EML6: variants seen among roughly 807,000 people sequenced by gnomAD.
EML6 encodes the protein echinoderm microtubule-associated protein-like 6.
In EML6, 154 loss-of-function variants were observed where a neutral mutation model predicts 240.1. The ratio of observed to expected loss-of-function variants is 0.64; its 90% CI spans 0.56 to 0.73. The LOEUF (loss-of-function observed/expected upper bound fraction) is 0.73. Ranked by LOEUF, EML6 falls within the 30% of genes least tolerant of loss-of-function variation. The probability of loss-of-function intolerance (pLI) is 0.00; values close to 1 mark genes in which losing one functional copy is unlikely to be tolerated. For synonymous variants in EML6, 1,148 were observed against 899.0 expected (o/e 1.28, Z -4.95); for missense variants, 2,964 against 2,474.6 (o/e 1.20, Z -4.20).
At chr2:54,870,904 A>T (rs1221457754) in intron 15 of EML6, among the ~76,000 whole-genome samples, 4 of 151,596 alleles carry the variant, frequency 2.6e-5, no homozygotes, top group Non-Finnish European at 5.9e-5. Context: ...AGGTTTCCCC[A>T]CCCCCCACTA....
intron 17 of EML6, among the ~76,000 whole-genome samples, chr2:54,889,560 G>C (rs573538923): frequency 3.3e-5 from 5 of 151,354 alleles, no homozygotes; most frequent in African/African-American, 1.2e-4. Flanking sequence ...TTTATAAATA[G>C]AGTCCTCTCC....
At chr2:54,922,933 C>CTTTTTTTTTTT (rs36078208) in intron 26 of EML6, among the ~76,000 whole-genome samples, 1 of 73,852 alleles carries the variant, frequency 1.4e-5, no homozygotes, top group Non-Finnish European at 2.4e-5. Context: ...AGGGTATAAA[C>CTTTTTTTTTTT]TTTTTTTTTT....
intron 36 of EML6, 49 bp from the exon 37 acceptor site, chr2:54,963,937 C>T (rs946714493): frequency 4.0e-6 from 6 of 1,503,502 alleles, no homozygotes; most frequent in South Asian, 2.6e-5. Flanking sequence ...TCCTGGAGAC[C>T]AGCTGAGGGG....
chr2:54,752,618 A>C (rs528221137), intron 2 of EML6, among the ~76,000 whole-genome samples: 33 of 152,206 alleles, frequency 2.2e-4, no homozygotes, highest in Non-Finnish European at 7.3e-5. Context: ...GTTGTAGTAG[A>C]TAGCATTCGT....
intron 2 of EML6, among the ~76,000 whole-genome samples, chr2:54,733,979 G>C (rs1182357345): frequency 2.0e-5 from 3 of 152,196 alleles, no homozygotes; most frequent in Non-Finnish European, 4.4e-5. Context: ...GGACAGTGAT[G>C]AGAAATACTG....
rs1263919913 is a variant in EML6, at chr2:54,894,973, G to C, written c.2801G>C (p.Arg934Thr). Residue 934 changes from arginine (R) to threonine (T), a missense_variant, in exon 20 of 42, where the codon AGA becomes ACA. Transcript: ENST00000356458. The part of the protein sequence containing the change: ...IVELWDDMFE[R>T]CLKTYAIKRS... ...GAGCTCTGGGATGATATGTTTGAAAGATGTTTGAAGACTTATGCCATTAAA... is the reference window on the plus strand; with the variant it reads ...GAGCTCTGGGATGATATGTTTGAAACATGTTTGAAGACTTATGCCATTAAA... 6.4e-7 allele frequency: 1 copy of C among 1,551,540 alleles called. No individual in the cohort carries two copies. Among genetic ancestry groups the C allele is most frequent in the Middle Eastern group, 1.7e-4 (1 of 5,992 alleles).
chr2:54,773,866 G>T (rs1316974587), intron 2 of EML6, among the ~76,000 whole-genome samples: 27 of 152,230 alleles, frequency 1.8e-4, no homozygotes. Flanking sequence ...TGGCATGAGA[G>T]CATAAGCTTT....
intron 2 of EML6, among the ~76,000 whole-genome samples, chr2:54,765,587 A>C (rs1668151658): frequency 6.6e-6 from 1 of 152,028 alleles, no homozygotes; most frequent in Admixed American, 6.6e-5. Flanking sequence ...CAGCCTCCCT[A>C]GTAGGTGGGA....
At chr2:54,790,794 T>C (rs1034181580) in intron 2 of EML6, among the ~76,000 whole-genome samples, 7 of 150,612 alleles carry the variant, frequency 4.6e-5, no homozygotes, top group East Asian at 2.0e-4. Flanking sequence ...GGCGCGATCT[T>C]GGCTCACTGC....
chr2:54,884,008 A>T (rs1310140989), intron 17 of EML6, among the ~76,000 whole-genome samples: 1 of 152,052 alleles, frequency 6.6e-6, no homozygotes, highest in African/African-American at 2.4e-5. Flanking sequence ...CTGTGACCAA[A>T]CTTGTGGGGA....
At chr2:54,859,907 A>G (rs1458332120) in intron 12 of EML6, among the ~76,000 whole-genome samples, 1 of 152,174 alleles carries the variant, frequency 6.6e-6, no homozygotes, top group African/African-American at 2.4e-5. Context: ...GCTATACCAA[A>G]TGCAAGTTGA....
chr2:54,776,044 G>A (rs1166966451), intron 2 of EML6, among the ~76,000 whole-genome samples: 1 of 152,058 alleles, frequency 6.6e-6, no homozygotes, highest in Non-Finnish European at 1.5e-5. Context: ...GTAGCTTTAT[G>A]ATGTCTTTAT....
chr2:54,790,049 G>T (rs998033029), intron 2 of EML6, among the ~76,000 whole-genome samples: 1 of 152,140 alleles, frequency 6.6e-6, no homozygotes, highest in African/African-American at 2.4e-5. Context: ...TGTACAAGAG[G>T]GAGATCTAAG....
chr2:54,891,984 T>C (rs1672493021), intron 18 of EML6, among the ~76,000 whole-genome samples: 1 of 152,222 alleles, frequency 6.6e-6, no homozygotes, highest in African/African-American at 2.4e-5. Flanking sequence ...GCAGAGCATA[T>C]ATAACATGCT....
intron 2 of EML6, among the ~76,000 whole-genome samples, chr2:54,811,289 G>C (rs939581959): frequency 6.6e-6 from 1 of 152,042 alleles, no homozygotes; most frequent in Non-Finnish European, 1.5e-5. Flanking sequence ...TCCTGGCCTG[G>C]CTAAGGCAGC....
intron 7 of EML6, among the ~76,000 whole-genome samples, chr2:54,842,968 T>A (rs780702625): frequency 6.6e-6 from 1 of 152,248 alleles, no homozygotes; most frequent in Non-Finnish European, 1.5e-5. Context: ...TTCTGAGACA[T>A]GGTGCATCTG....
At chr2:54,913,549 G>A in intron 25 of EML6, among the ~76,000 whole-genome samples, 1 of 152,054 alleles carries the variant, frequency 6.6e-6, no homozygotes, top group East Asian at 1.9e-4. Context: ...CTGGATATTA[G>A]ACCCTTTTCA....
At chr2:54,877,827 G>C (rs989668263) in intron 16 of EML6, among the ~76,000 whole-genome samples, 2 of 152,186 alleles carry the variant, frequency 1.3e-5, no homozygotes, top group Non-Finnish European at 2.9e-5. Flanking sequence ...CTCATACTTC[G>C]TAGTGATGGA....
chr2:54,781,800 G>A (rs544423342), intron 2 of EML6, among the ~76,000 whole-genome samples: 2 of 152,182 alleles, frequency 1.3e-5, no homozygotes, highest in East Asian at 3.9e-4. Context: ...CTCTCGAGTA[G>A]TTGGGACCAC....
Sources: gnomAD v4.1 joint callset for allele counts (sites outside exome capture counted in the v4.1 genomes callset) on GRCh38, gnomAD v4.1.1 for gene constraint, MANE v1.5 for transcripts, NCBI Gene and HGNC (gene_info 2026-07-23, HGNC 2026-07-21) for gene names.